Variants in MTREX observed in about 807,000 individuals in gnomAD.
MTREX encodes the protein Mtr4 exosome RNA helicase.
A neutral mutation model predicts 135.4 loss-of-function variants in MTREX; 76 were observed. That is an observed-to-expected ratio of 0.56 (90% CI 0.47 to 0.68). MTREX has a LOEUF of 0.68. Ranked by LOEUF, MTREX falls within the 30% of genes least tolerant of loss-of-function variation. MTREX has a pLI of 0.00. For missense variants in MTREX, 920 were observed against 1,262.1 expected (o/e 0.73, Z 4.11); for synonymous variants, 404 against 401.6 (o/e 1.01, Z -0.07).
chr5:55,327,901 C>A (rs1749409562), intron 4 of MTREX, 123 bp downstream of exon 4: 1 of 626,246 alleles, frequency 1.6e-6, no homozygotes, highest in South Asian at 2.5e-5. Flanking sequence ...AAGAACAAGC[C>A]AACTAAAGAC....
At chr5:55,351,238 A>G (rs1378009818) in intron 13 of MTREX, among the ~76,000 whole-genome samples, 2 of 152,208 alleles carry the variant, frequency 1.3e-5, no homozygotes, top group Non-Finnish European at 1.5e-5. Flanking sequence ...CCTTTCTTCA[A>G]GAATGTAGTG....
At chr5:55,384,386 A>G (rs1750445909) in intron 18 of MTREX, among the ~76,000 whole-genome samples, 2 of 152,118 alleles carry the variant, frequency 1.3e-5, no homozygotes, top group Non-Finnish European at 2.9e-5. Flanking sequence ...CTTCATCGAT[A>G]TGTTCTGTTT....
intron 3 of MTREX, among the ~76,000 whole-genome samples, chr5:55,326,970 A>G (rs1355490692): frequency 6.6e-6 from 1 of 152,026 alleles, no homozygotes; most frequent in East Asian, 1.9e-4. Context: ...TGTTGTTGTG[A>G]TAGTTTGCTG....
chr5:55,359,095 G>A (rs778207023), intron 15 of MTREX, among the ~76,000 whole-genome samples: 33 of 152,188 alleles, frequency 2.2e-4, no homozygotes, highest in Non-Finnish European at 3.1e-4. Flanking sequence ...CTTTGCAAGC[G>A]CAGATAGCTT....
At position 55,416,094 on chromosome 5, in the gene MTREX, C is replaced by A; in HGVS notation, c.2933C>A (p.Thr978Lys). 1 of 1,590,848 alleles carries A rather than the reference C, an allele frequency of 6.3e-7. No individual in the cohort carries two copies. Among genetic ancestry groups the A allele is most frequent in the Non-Finnish European group, 8.5e-7 (1 of 1,172,576 alleles). Reference sequence around the variant, plus strand: ...GTATATACCTGGGCAACTGGAGCTACATTTGCCCATATCTGCAAAATGACA... The same window carrying A: ...GTATATACCTGGGCAACTGGAGCTAAATTTGCCCATATCTGCAAAATGACA... ...DVVYTWATGA[T>K]FAHICKMTDV... Residue 978 changes from threonine (T) to lysine (K), a missense_variant, in exon 25 of 27, where the codon ACA (threonine) becomes AAA (lysine). This residue lies in a region of MTREX where 467 missense variants were observed against 589.7 expected (regional missense o/e 0.79). Coordinates refer to ENST00000230640, the MANE Select transcript of MTREX (RefSeq NM_015360.5).
chr5:55,358,501 AAG>A (rs1749957715), intron 14 of MTREX, 70 bp from the exon 15 acceptor site: 8 of 1,282,782 alleles, frequency 6.2e-6, no homozygotes, highest in East Asian at 5.2e-5. Flanking sequence ...ATTTTATAAA[AAG>A]AGAAATTTTA....
chr5:55,374,691 A>C (rs1311720180), intron 16 of MTREX, among the ~76,000 whole-genome samples: 1 of 152,148 alleles, frequency 6.6e-6, no homozygotes, highest in Non-Finnish European at 1.5e-5. Context: ...TACAACTACA[A>C]ATGCTAAAAA....
At chr5:55,410,737 A>G in intron 23 of MTREX, 108 bp downstream of exon 23, 2 of 525,450 alleles carry the variant, frequency 3.8e-6, no homozygotes, top group South Asian at 5.3e-5. Flanking sequence ...ATTATAAGGT[A>G]ATGTTAATTG....
chr5:55,315,659 AT>A (rs1749186540), intron 1 of MTREX, among the ~76,000 whole-genome samples: 1 of 152,184 alleles, frequency 6.6e-6, no homozygotes, highest in African/African-American at 2.4e-5. Context: ...TTCTGAGTAT[AT>A]GTGTACTTCA....
chr5:55,389,411 A>G (rs1750528789), intron 19 of MTREX, among the ~76,000 whole-genome samples: 1 of 152,190 alleles, frequency 6.6e-6, no homozygotes, highest in East Asian at 1.9e-4. Flanking sequence ...CATGAAACCA[A>G]GGCAAACTGA....
At chr5:55,344,422 A>C in intron 8 of MTREX, 100 bp from the exon 9 acceptor site, 1 of 753,742 alleles carries the variant, frequency 1.3e-6, no homozygotes, top group Non-Finnish European at 2.2e-6. Flanking sequence ...GAAATGTTGA[A>C]TTCATTACTT....
intron 16 of MTREX, among the ~76,000 whole-genome samples, chr5:55,370,326 A>G (rs6450304): frequency 0.15 from 22,588 of 152,144 alleles, 2,152 homozygotes; most frequent in African/African-American, 0.27. Context: ...GCCTTGGCCC[A>G]CATAAACTGT....
intron 15 of MTREX, among the ~76,000 whole-genome samples, chr5:55,359,778 C>T (rs942939014): frequency 3.3e-5 from 5 of 152,092 alleles, no homozygotes; most frequent in African/African-American, 9.7e-5. Context: ...AGAACAGAAT[C>T]GGATTGCCAG....
chr5:55,335,982 T>TA (rs1223684669), intron 5 of MTREX, among the ~76,000 whole-genome samples: 1 of 152,184 alleles, frequency 6.6e-6, no homozygotes, highest in Non-Finnish European at 1.5e-5. Context: ...TTCTTAAACC[T>TA]ATTCCTAAGT....
chr5:55,423,233 T>G (rs747706194), intron 26 of MTREX: 2 of 423,054 alleles, frequency 4.7e-6, no homozygotes, highest in Non-Finnish European at 4.2e-6. Context: ...CTAGGGGATA[T>G]AGTGAACAAA....
At chr5:55,376,346 G>T (rs754815808) in intron 16 of MTREX, among the ~76,000 whole-genome samples, 1 of 152,170 alleles carries the variant, frequency 6.6e-6, no homozygotes, top group Non-Finnish European at 1.5e-5. Context: ...CTCATTACCC[G>T]ATCTCCAAGC....
chr5:55,393,066 C>T (rs1475286252), intron 19 of MTREX, among the ~76,000 whole-genome samples: 1 of 152,164 alleles, frequency 6.6e-6, no homozygotes, highest in Admixed American at 6.5e-5. Flanking sequence ...CCTATTCTCT[C>T]CCCTCCAGTG....
At chr5:55,423,288 ATAGACAATAAGTCAACAAT>A in intron 26 of MTREX, 1 of 286,986 alleles carries the variant, frequency 3.5e-6, no homozygotes, top group Non-Finnish European at 6.4e-6. Context: ...GTGTGGGGAG[ATAGACAATAAGTCAACAAT>A]TAAATTTATC....
At position 55,425,237 on chromosome 5, in the gene MTREX, C is replaced by T. The variant is rs765790927; in HGVS notation, c.*465C>T. On this transcript the variant is annotated 3_prime_UTR_variant, in exon 27 of 27. Transcript: ENST00000230640. ...CTGGTGATTGCTCGGATAGTGATTC[C>T]CAGTTGTTGGTGTTTCATGCAGAGT... 7 of 1,613,788 alleles carry T rather than the reference C, an allele frequency of 4.3e-6. No individual in the cohort carries two copies. The South Asian group carries it at 7.7e-5, about 18-fold the overall frequency.
Sources: allele counts gnomAD v4.1 joint callset (sites outside exome capture counted in the v4.1 genomes callset), GRCh38; gene constraint gnomAD v4.1.1; regional missense constraint gnomAD v4.1.1; transcripts MANE v1.5; gene names NCBI Gene and HGNC (gene_info 2026-07-23, HGNC 2026-07-21).